Variants in MFHAS1 observed in about 807,000 individuals in gnomAD.
The protein encoded by MFHAS1 is multifunctional ROCO family signaling regulator 1.
MFHAS1 carries 50 observed loss-of-function variants against 70.4 expected under a neutral mutation model. The observed-to-expected ratio is 0.71, with a 90% CI of 0.57 to 0.90. The LOEUF (loss-of-function observed/expected upper bound fraction) is 0.90, where lower values mean the gene tolerates loss of function less well. MFHAS1 is among the 40% of genes least tolerant of loss of function. The pLI is 0.00. For missense variants in MFHAS1, 1,795 were observed against 1,347.6 expected, an observed-to-expected ratio of 1.33 and a Z score of -5.20; for synonymous variants, 952 against 620.0, an observed-to-expected ratio of 1.54 and a Z score of -7.96.
At chr8:8,874,896 C>T (rs1054832833) in intron 1 of MFHAS1, among the ~76,000 whole-genome samples, 5 of 145,822 alleles carry the variant, frequency 3.4e-5, no homozygotes, top group Admixed American at 6.8e-5. Context: ...ACTGATAAAA[C>T]ACTGTGATTA....
rs141800061 is a variant in MFHAS1, at chr8:8,892,336, C to T, written c.723G>A (p.Thr241=). 11 of 1,611,848 alleles carry T rather than the reference C, an allele frequency of 6.8e-6. No individual in the cohort carries two copies. The African/African-American group carries it at 1.2e-4, about 18-fold the overall frequency. ...CCAGCTCGCAGAAGCCGGCGGGCAG[C>T]GTGCCAAGCTCGGCCCCACTCAGCC... is the stretch of plus-strand genomic sequence containing the variant. The part of the protein sequence containing the change: ...ILWLSGAELG[T]LPAGFCELAS... The change falls in exon 1 of 3, where the codon ACG becomes ACA. Residue 241 remains threonine (T), a synonymous_variant. Transcript: ENST00000276282. This position sits in a 1 kb window ranked among gnomAD's most constrained non-coding sequence, Gnocchi z 4.7.
At chr8:8,846,666 A>G (rs1349893556) in intron 1 of MFHAS1, among the ~76,000 whole-genome samples, 1 of 151,874 alleles carries the variant, frequency 6.6e-6, no homozygotes, top group Non-Finnish European at 1.5e-5. Flanking sequence ...ACAAACCAAG[A>G]ACACAGCTGT....
intron 1 of MFHAS1, among the ~76,000 whole-genome samples, chr8:8,798,532 T>C (rs1203863024): frequency 6.6e-6 from 1 of 152,048 alleles, no homozygotes; most frequent in African/African-American, 2.4e-5. Flanking sequence ...GACAGGAGTC[T>C]CGATATGTTT....
intron 1 of MFHAS1, among the ~76,000 whole-genome samples, chr8:8,836,570 G>T (rs574281449): frequency 1.8e-3 from 267 of 152,178 alleles, no homozygotes; most frequent in African/African-American, 6.0e-3. Context: ...TGGAGGCAGG[G>T]TCTTCCTATG....
chr8:8,860,287 C>T (rs1808613247), intron 1 of MFHAS1, among the ~76,000 whole-genome samples: 1 of 152,206 alleles, frequency 6.6e-6, no homozygotes, highest in Non-Finnish European at 1.5e-5. Flanking sequence ...ACAGACTGTG[C>T]TACGCGTCAA....
intron 2 of MFHAS1, among the ~76,000 whole-genome samples, chr8:8,794,559 G>A (rs1194011244): frequency 6.6e-6 from 1 of 152,158 alleles, no homozygotes; most frequent in African/African-American, 2.4e-5. Context: ...ACATCTACGT[G>A]TGCTTTTCTA....
intron 1 of MFHAS1, 136 bp from the exon 2 acceptor site, chr8:8,797,627 T>C: frequency 9.9e-7 from 1 of 1,005,482 alleles, no homozygotes; most frequent in Non-Finnish European, 1.4e-6. Flanking sequence ...TGAGAACAAA[T>C]GTGCAACCAA....
intron 2 of MFHAS1, among the ~76,000 whole-genome samples, chr8:8,792,538 G>A (rs1298944272): frequency 6.6e-6 from 1 of 150,606 alleles, no homozygotes; most frequent in Non-Finnish European, 1.5e-5. Context: ...CCCAGGAGGC[G>A]GAGGTTGTGG....
At chr8:8,869,829 G>A (rs1473484065) in intron 1 of MFHAS1, among the ~76,000 whole-genome samples, 1 of 152,290 alleles carries the variant, frequency 6.6e-6, no homozygotes, top group South Asian at 2.1e-4. Flanking sequence ...AGAGCTAGGA[G>A]GAGAGAGGCC....
At chr8:8,865,518 C>G (rs1329276550) in intron 1 of MFHAS1, among the ~76,000 whole-genome samples, 1 of 152,044 alleles carries the variant, frequency 6.6e-6, no homozygotes. Flanking sequence ...AACCAAGGAC[C>G]CCTCCCAGGA....
Position 8,794,436 on chromosome 8 carries a change from C to T in MFHAS1, c.3125+2929G>A, listed in dbSNP as rs112370762. 6.7e-3 allele frequency among the ~76,000 whole-genome samples: 1,018 copies of T among 152,284 alleles called. 12 individuals are homozygous for T. The highest frequency in any genetic ancestry group is 0.048 in the South Asian group (232 of 4,822). ...CCCATGAATGGGACCTTCCCCGGAGCCTGGCCCGGCCTCCACATGAGTTTG... is the reference window on the plus strand; with the variant it reads ...CCCATGAATGGGACCTTCCCCGGAGTCTGGCCCGGCCTCCACATGAGTTTG... On this transcript the variant is annotated intron_variant, in intron 2 of 2. Coordinates refer to ENST00000276282, the MANE Select transcript of MFHAS1 (RefSeq NM_004225.3).
At chr8:8,820,556 G>A (rs189279948) in intron 1 of MFHAS1, among the ~76,000 whole-genome samples, 84 of 152,170 alleles carry the variant, frequency 5.5e-4, no homozygotes, top group African/African-American at 1.9e-3. Context: ...ACAATTTTAC[G>A]TAAGTAGACT....
intron 1 of MFHAS1, among the ~76,000 whole-genome samples, chr8:8,828,290 C>G (rs1270553409): frequency 2.0e-5 from 3 of 152,204 alleles, no homozygotes; most frequent in East Asian, 3.8e-4. Context: ...AAGATAATGT[C>G]TAATAGGATA....
At chr8:8,883,977 C>A (rs577528797) in intron 1 of MFHAS1, among the ~76,000 whole-genome samples, 3 of 148,368 alleles carry the variant, frequency 2.0e-5, no homozygotes, top group Non-Finnish European at 4.4e-5. Context: ...TGGGGAGGAC[C>A]ATTTGAGGCC....
At chr8:8,807,566 G>A (rs1404028311) in intron 1 of MFHAS1, among the ~76,000 whole-genome samples, 1 of 152,074 alleles carries the variant, frequency 6.6e-6, no homozygotes, top group African/African-American at 2.4e-5. Flanking sequence ...CCTTTCATCA[G>A]TTGATTTTCA....
intron 1 of MFHAS1, among the ~76,000 whole-genome samples, chr8:8,801,596 A>G (rs942310967): frequency 2.6e-5 from 4 of 152,258 alleles, no homozygotes; most frequent in African/African-American, 9.6e-5. Context: ...CTTAACTCAC[A>G]TATGAAGAAT....
At chr8:8,818,253 C>T (rs1206450203) in intron 1 of MFHAS1, among the ~76,000 whole-genome samples, 2 of 152,142 alleles carry the variant, frequency 1.3e-5, no homozygotes, top group Non-Finnish European at 2.9e-5. Flanking sequence ...TCCACATAAT[C>T]CAACAGTAAA....
intron 2 of MFHAS1, among the ~76,000 whole-genome samples, chr8:8,786,281 A>G (rs1246191391): frequency 1.3e-5 from 2 of 152,226 alleles, no homozygotes; most frequent in African/African-American, 2.4e-5. Flanking sequence ...TGGTGTGTTA[A>G]GCTCAGTTCA....
At position 8,891,937 on chromosome 8, in the gene MFHAS1, G is replaced by C. The variant is rs749540556; in HGVS notation, c.1122C>G (p.Asp374Glu). 3.7e-6 allele frequency: 6 copies of C among 1,611,520 alleles called. No homozygotes were observed. In the East Asian group the frequency reaches 1.3e-4, roughly 36 times the overall value. Reference sequence around the variant, plus strand: ...CGTAGGGGGGCTGGATCAGTGGGTTGTCTTTGATCTTCCACAAACCCACCC... The same window carrying C: ...CGTAGGGGGGCTGGATCAGTGGGTTCTCTTTGATCTTCCACAAACCCACCC... ...LSRVGLWKIK[D>E]NPLIQPPYEV... The change falls in exon 1 of 3, where the codon GAC becomes GAG. Residue 374 changes from aspartate (D) to glutamate (E), a missense_variant. Physicochemically the swap from Asp to Glu is conservative, Grantham distance 45 (BLOSUM62 2). Coordinates refer to ENST00000276282, the MANE Select transcript of MFHAS1 (RefSeq NM_004225.3). The surrounding 1 kb of genome is among the most constrained non-coding windows in gnomAD (Gnocchi z 5.4).
Sources: gnomAD v4.1 joint callset for allele counts (sites outside exome capture counted in the v4.1 genomes callset) on GRCh38, gnomAD v4.1.1 for gene constraint, Gnocchi (gnomAD v3.1) non-coding constraint, MANE v1.5 for transcripts, NCBI Gene and HGNC (gene_info 2026-07-23, HGNC 2026-07-21) for gene names.